The following KMT2A variants were observed in gnomAD, a reference collection of about 807,000 sequenced individuals.
The protein encoded by KMT2A is lysine methyltransferase 2A, also known as histone-lysine N-methyltransferase 2A.
KMT2A carries 16 observed loss-of-function variants against 345.3 expected under a neutral mutation model. The ratio of observed to expected loss-of-function variants is 0.05; its 90% confidence interval spans 0.03 to 0.07. The LOEUF is 0.07. Ranked by LOEUF, KMT2A falls within the 10% of genes least tolerant of loss-of-function variation. The pLI is 1.00. For synonymous variants in KMT2A, 1,599 were observed against 1,778.6 expected, an observed-to-expected ratio of 0.90 and a Z score of 2.54; for missense variants, 3,272 against 4,841.6, an observed-to-expected ratio of 0.68 and a Z score of 9.62.
intron 4 of KMT2A, 61 bp downstream of exon 4, chr11:118,477,043 C>T (rs1950049748): frequency 1.3e-6 from 2 of 1,539,168 alleles, no homozygotes; most frequent in African/African-American, 1.4e-5. Context: ...GTTGATTATT[C>T]TGGGGATGCC....
chr11:118,474,277 A>C lies in KMT2A; in HGVS notation c.3118A>C (p.Ser1040Arg), dbSNP rs782335158. 5.0e-6 allele frequency: 8 copies of C among 1,614,090 alleles called. No homozygotes were observed. The South Asian group carries it at 8.8e-5, about 18-fold the overall frequency. ...AKAQLCKIEK[S>R]KSLKQTDQPK... Reference sequence around the variant, plus strand: ...AGCTCAGCTCTGCAAGATTGAGAAGAGTAAGAGTCTTAAACAAACCGACCA... The same window carrying C: ...AGCTCAGCTCTGCAAGATTGAGAAGCGTAAGAGTCTTAAACAAACCGACCA... The change falls in exon 3 of 36, where the codon AGT becomes CGT. Residue 1040 changes from serine to arginine, a missense_variant. Physicochemically the swap from Ser to Arg is moderately radical, Grantham distance 110. This residue lies in a region of KMT2A where 39 missense variants were observed against 88.9 expected (regional missense o/e 0.44). Coordinates refer to ENST00000534358, the MANE Select transcript of KMT2A (RefSeq NM_001197104.2).
At chr11:118,470,311 GT>G (rs1380923242) in intron 2 of KMT2A, among the ~76,000 whole-genome samples, 2 of 152,138 alleles carry the variant, frequency 1.3e-5, no homozygotes, top group East Asian at 3.9e-4. Context: ...TGTTGTTTTT[GT>G]TTTTGTTTTT....
intron 31 of KMT2A, among the ~76,000 whole-genome samples, chr11:118,513,108 G>A (rs1483312974): frequency 1.3e-5 from 2 of 152,042 alleles, no homozygotes; most frequent in Non-Finnish European, 2.9e-5. Flanking sequence ...CCGGCACCGT[G>A]GCATGCACAC....
intron 29 of KMT2A, 87 bp from the exon 30 acceptor site, chr11:118,509,861 G>C: frequency 1.0e-6 from 1 of 961,880 alleles, no homozygotes; most frequent in Non-Finnish European, 1.5e-6. Flanking sequence ...GTTAGGCTTA[G>C]AGATCATTTA....
At chr11:118,438,151 G>T (rs1190168151) in intron 1 of KMT2A, among the ~76,000 whole-genome samples, 1 of 152,114 alleles carries the variant, frequency 6.6e-6, no homozygotes, top group Non-Finnish European at 1.5e-5. Context: ...GGTGGCGGTG[G>T]TTGCTTTGGG....
rs1377612288 is a variant in KMT2A at position 118,436,953 on chromosome 11, G to T, written c.432+9G>T. ...GAGGCGGCAGCGGAGAGGTAAGGGG[G>T]CGAGGAACCCCCAGGTCCGGGGTCT... On this transcript the variant is annotated intron_variant, in intron 1 of 35. Coordinates refer to ENST00000534358, the MANE Select transcript of KMT2A (RefSeq NM_001197104.2). This position sits in a 1 kb window ranked among gnomAD's most constrained non-coding sequence, Gnocchi z 6.9. 2 of 1,477,204 alleles carry T rather than the reference G, an allele frequency of 1.4e-6. No individual in the cohort carries two copies. The allele number at this position is 1,477,204 out of a possible 1,614,324, so 91.5% of individuals were successfully genotyped here.
At chr11:118,450,073 A>AACCCTGTG (rs1555028368) in intron 1 of KMT2A, 1 of 152,248 alleles carries the variant, frequency 6.6e-6, no homozygotes, top group African/African-American at 2.4e-5. Context: ...GAGAAAAATA[A>AACCCTGTG]ACCCTGTGAT....
intron 11 of KMT2A, 95 bp downstream of exon 11, chr11:118,488,855 A>G (rs1950276890): frequency 1.8e-6 from 2 of 1,131,212 alleles, no homozygotes; most frequent in Non-Finnish European, 2.5e-6. Flanking sequence ...TGTATCTGGG[A>G]AAAAATGAGT....
At chr11:118,506,778 G>C (rs1162872163) in intron 27 of KMT2A, 132 bp downstream of exon 27, 2 of 941,680 alleles carry the variant, frequency 2.1e-6, no homozygotes, top group East Asian at 2.5e-5. Context: ...TCCGGGTTTT[G>C]ACTTTTTTTC....
chr11:118,520,829 G>A lies in KMT2A; in HGVS notation c.11457G>A (p.Met3819Ile). The A allele has an allele frequency of 6.2e-7, 1 of 1,614,024 alleles. No homozygotes were observed. The highest frequency in any genetic ancestry group is 1.1e-5 in the South Asian group (1 of 91,078). ...GGGCAACTAGCATGGATCTGCCAAT[G>A]CCCATGCGCTTCCGGCACTTAAAAA... ...ARRATSMDLPMPMRFRHLKKT... is the reference protein window; with the variant it reads ...ARRATSMDLPIPMRFRHLKKT... The change falls in exon 34 of 36, where the codon ATG becomes ATA. Residue 3819 changes from methionine to isoleucine, a missense_variant. Physicochemically the swap from Met to Ile is conservative, Grantham distance 10. Transcript: ENST00000534358. This position sits in a 1 kb window ranked among gnomAD's most constrained non-coding sequence, Gnocchi z 4.3.
chr11:118,491,944 T>A lies in KMT2A; in HGVS notation c.5004+16T>A. 2 of 1,596,478 alleles carry A rather than the reference T, an allele frequency of 1.3e-6. No individual in the cohort carries two copies. The highest frequency in any genetic ancestry group is 8.6e-7 in the Non-Finnish European group (1 of 1,167,548). On this transcript the variant is annotated intron_variant, in intron 15 of 35. Coordinates refer to ENST00000534358, the MANE Select transcript of KMT2A (RefSeq NM_001197104.2). This position sits in a 1 kb window ranked among gnomAD's most constrained non-coding sequence, Gnocchi z 4.2. ...CTACCGGCAGGTAGGCCAAGTCTCA[T>A]TTTTTTCTGAGAGCTTGTTCTTAGG... is the stretch of plus-strand genomic sequence containing the variant.
intron 1 of KMT2A, among the ~76,000 whole-genome samples, chr11:118,451,182 C>G (rs1173365314): frequency 1.3e-5 from 2 of 151,306 alleles, no homozygotes; most frequent in African/African-American, 4.9e-5. Context: ...GACGTCCCTT[C>G]CCTCATGAAA....
In KMT2A at chr11:118,519,662, G is replaced by T. The variant is rs781822608; in HGVS notation, c.11191G>T (p.Val3731Leu). 2 of 1,614,026 alleles carry T rather than the reference G, an allele frequency of 1.2e-6. No homozygotes were observed. The highest frequency in any genetic ancestry group is 2.7e-5 in the African/African-American group (2 of 74,920). The change falls in exon 32 of 36, where the codon GTG (valine) becomes TTG (leucine). Residue 3731 changes from valine (V) to leucine (L), a missense_variant. Transcript: ENST00000534358. ...GCTGGGGATTCTCCATGATGCAGTT[G>T]TGTTCCTCATTGAGCAGCTGTCTGG... is the stretch of plus-strand genomic sequence containing the variant. ...RMLGILHDAVVFLIEQLSGAK... is the reference protein window; with the variant it reads ...RMLGILHDAVLFLIEQLSGAK...
intron 1 of KMT2A, among the ~76,000 whole-genome samples, chr11:118,444,793 T>C (rs1949384216): frequency 6.6e-6 from 1 of 152,200 alleles, no homozygotes; most frequent in African/African-American, 2.4e-5. Context: ...CAGGTTGGTC[T>C]TGAACTCCTG....
At chr11:118,474,691 G>C (rs1162659219) in intron 3 of KMT2A, among the ~76,000 whole-genome samples, 1 of 152,126 alleles carries the variant, frequency 6.6e-6, no homozygotes, top group African/African-American at 2.4e-5. Context: ...AATTAAACCA[G>C]GGACTTAATT....
chr11:118,437,485 C>T (rs1199076596), intron 1 of KMT2A, among the ~76,000 whole-genome samples: 3 of 151,750 alleles, frequency 2.0e-5, no homozygotes, highest in Admixed American at 6.6e-5. Flanking sequence ...CTCGCGCCAT[C>T]CCCGGGCCAG....
rs1555043527 is a variant in KMT2A, at chr11:118,494,911, T to C, written c.5363+144T>C. On this transcript the variant is annotated intron_variant, in intron 18 of 35. Transcript: ENST00000534358. This position sits in a 1 kb window ranked among gnomAD's most constrained non-coding sequence, Gnocchi z 5.8. Reference sequence around the variant, plus strand: ...GCCTTTTCGGTGTGGTTTTGAGGACTACATTTAATGTTTGTTATAAGCAAT... The same window carrying C: ...GCCTTTTCGGTGTGGTTTTGAGGACCACATTTAATGTTTGTTATAAGCAAT... 9.9e-5 allele frequency: 64 copies of C among 649,090 alleles called. No homozygotes were observed. The highest frequency in any genetic ancestry group is 8.1e-6 in the Non-Finnish European group (3 of 369,062). 40.2% of individuals were successfully genotyped at this position (649,090 alleles called of 1,614,324 possible).
At chr11:118,508,410 T>G (rs1298463215) in intron 28 of KMT2A, among the ~76,000 whole-genome samples, 1 of 152,234 alleles carries the variant, frequency 6.6e-6, no homozygotes, top group African/African-American at 2.4e-5. Flanking sequence ...GATATACATT[T>G]GGATTGTTTC....
At chr11:118,447,600 A>C (rs942472195) in intron 1 of KMT2A, 1 of 448,580 alleles carries the variant, frequency 2.2e-6, no homozygotes, top group African/African-American at 2.0e-5. Flanking sequence ...TCATCCCCTT[A>C]CTTGAGTGTT....
Sources: gnomAD v4.1 joint callset for allele counts (sites outside exome capture counted in the v4.1 genomes callset) on GRCh38, gnomAD v4.1.1 for gene constraint, gnomAD v4.1.1 regional missense constraint, Gnocchi (gnomAD v3.1) non-coding constraint, MANE v1.5 for transcripts, NCBI Gene and HGNC (gene_info 2026-07-23, HGNC 2026-07-21) for gene names.